NRXN1: variants seen among roughly 807,000 people sequenced by gnomAD.
The protein encoded by NRXN1 is neurexin 1, also known as neurexin-1.
In NRXN1, 39 loss-of-function variants were observed where a neutral mutation model predicts 150.9. The observed-to-expected ratio is 0.26, with a 90% confidence interval of 0.20 to 0.34. The LOEUF is 0.34. Among genes scored for constraint, NRXN1 ranks in the 10% least tolerant of loss-of-function variants. The pLI is 1.00. For synonymous variants in NRXN1, 924 were observed against 757.0 expected, an observed-to-expected ratio of 1.22 and a Z score of -3.62; for missense variants, 1,815 against 1,949.9, an observed-to-expected ratio of 0.93 and a Z score of 1.30.
At position 50,582,625 on chromosome 2, in the gene NRXN1, G is replaced by C. The variant is rs145880148; in HGVS notation, c.1321-29600C>G. 4.6e-5 allele frequency among the ~76,000 whole-genome samples: 7 copies of C among 150,652 alleles called. No homozygotes were observed. In the East Asian group the frequency reaches 1.4e-3, roughly 29 times the overall value. On this transcript the variant is annotated intron_variant, in intron 8 of 22. Transcript: ENST00000401669. Reference sequence around the variant, plus strand: ...AAACTAGCACATAAACATAGGCTACGTAGCATCTCTGTTCTTTATTAACCA... The same window carrying C: ...AAACTAGCACATAAACATAGGCTACCTAGCATCTCTGTTCTTTATTAACCA...
chr2:50,472,499 A>T, intron 15 of NRXN1, 28 bp from the exon 16 acceptor site: 1 of 1,590,552 alleles, frequency 6.3e-7, no homozygotes, highest in Non-Finnish European at 8.6e-7. Context: ...TCTTTGTTAC[A>T]AAAGTACCAT....
chr2:50,205,975 G>T (rs1023564019), intron 18 of NRXN1, among the ~76,000 whole-genome samples: 2 of 151,858 alleles, frequency 1.3e-5, no homozygotes, highest in African/African-American at 4.8e-5. Flanking sequence ...GTCTTTCAGG[G>T]GGTTCCAAAT....
chr2:50,610,902 G>A (rs1455898317), intron 8 of NRXN1, among the ~76,000 whole-genome samples: 9 of 148,878 alleles, frequency 6.0e-5, no homozygotes, highest in Non-Finnish European at 1.0e-4. Context: ...AAGCAAGCAC[G>A]TTTCACTAAT....
chr2:50,755,634 C>G (rs1314200173), intron 5 of NRXN1, among the ~76,000 whole-genome samples: 1 of 151,786 alleles, frequency 6.6e-6, no homozygotes, highest in Admixed American at 6.6e-5. Context: ...ACCAAAAAAT[C>G]AAGCCATTCT....
intron 15 of NRXN1, 29 bp downstream of exon 15, chr2:50,495,876 C>T: frequency 1.3e-6 from 2 of 1,547,316 alleles, no homozygotes; most frequent in Non-Finnish European, 1.7e-6. Flanking sequence ...TGGTGCAAGG[C>T]TCGTTGCTCT....
At chr2:50,758,941 T>C (rs914911167) in intron 5 of NRXN1, among the ~76,000 whole-genome samples, 6 of 151,826 alleles carry the variant, frequency 4.0e-5, no homozygotes, top group African/African-American at 1.5e-4. Flanking sequence ...TTTTATCCCA[T>C]AAAATGACTG....
intron 8 of NRXN1, among the ~76,000 whole-genome samples, chr2:50,585,964 C>T (rs1673033621): frequency 1.3e-5 from 2 of 152,228 alleles, no homozygotes; most frequent in Non-Finnish European, 2.9e-5. Context: ...AAAAAACCTA[C>T]TGAGCAGAGC....
At chr2:50,355,427 A>C (rs2153004793) in intron 17 of NRXN1, among the ~76,000 whole-genome samples, 1 of 152,030 alleles carries the variant, frequency 6.6e-6, no homozygotes, top group Non-Finnish European at 1.5e-5. Flanking sequence ...ATGTTATATT[A>C]AGCCCTTTAA....
intron 18 of NRXN1, among the ~76,000 whole-genome samples, chr2:50,188,868 C>G (rs561630350): frequency 7.9e-5 from 12 of 152,142 alleles, no homozygotes; most frequent in Non-Finnish European, 1.8e-4. Flanking sequence ...CAGCAAACAA[C>G]AGATGCTGGA....
chr2:50,340,073 G>A (rs914446218), intron 17 of NRXN1, among the ~76,000 whole-genome samples: 5 of 152,260 alleles, frequency 3.3e-5, no homozygotes, highest in Non-Finnish European at 4.4e-5. Flanking sequence ...TATTAATTAG[G>A]TGAACCTGAC....
intron 19 of NRXN1, among the ~76,000 whole-genome samples, chr2:50,088,485 T>G (rs1699105896): frequency 6.6e-6 from 1 of 152,206 alleles, no homozygotes. Context: ...CTTGCGTATA[T>G]CCTTCAGAAT....
At chr2:49,938,527 C>T (rs1671432382) in intron 22 of NRXN1, among the ~76,000 whole-genome samples, 2 of 152,108 alleles carry the variant, frequency 1.3e-5, no homozygotes, top group Non-Finnish European at 2.9e-5. Context: ...CTTTTCTTCC[C>T]CCAATGACTA....
At chr2:50,523,880 T>G (rs1167830267) in intron 12 of NRXN1, among the ~76,000 whole-genome samples, 1 of 152,208 alleles carries the variant, frequency 6.6e-6, no homozygotes, top group East Asian at 1.9e-4. Flanking sequence ...TATATGTAAT[T>G]GTGTTGTCTC....
At chr2:49,942,569 T>A (rs1448201695) in intron 22 of NRXN1, among the ~76,000 whole-genome samples, 2 of 151,628 alleles carry the variant, frequency 1.3e-5, no homozygotes, top group Non-Finnish European at 2.9e-5. Context: ...TCCACCTCAC[T>A]CATTTTGTTA....
chr2:50,396,348 G>A (rs2082049803), intron 17 of NRXN1, among the ~76,000 whole-genome samples: 1 of 152,074 alleles, frequency 6.6e-6, no homozygotes, highest in South Asian at 2.1e-4. Context: ...CACATGTAAT[G>A]GTACTTATTT....
At chr2:50,473,168 C>T (rs1435544950) in intron 15 of NRXN1, among the ~76,000 whole-genome samples, 1 of 151,804 alleles carries the variant, frequency 6.6e-6, no homozygotes, top group Non-Finnish European at 1.5e-5. Context: ...GATATTGCAT[C>T]CTTCTTGAGG....
Position 50,621,036 on chromosome 2 carries a change from AG to A in NRXN1, c.1158+189del, listed in dbSNP as rs1416712079. 5.6e-6 allele frequency: 3 copies of A among 534,784 alleles called. No homozygotes were observed. The Admixed American group carries it at 1.1e-4, about 19-fold the overall frequency. The allele number at this position is 534,784 out of a possible 1,614,324, so 33.1% of individuals were successfully genotyped here. ...GGTGAGTTGGAAAACAGAAGTTGAC[AG>A]GAACAGGTAAAAAATAAGAAGGTCA... On this transcript the variant is annotated intron_variant, in intron 7 of 22. Coordinates refer to ENST00000401669, the MANE Select transcript of NRXN1 (RefSeq NM_001330078.2).
chr2:50,769,343 G>T lies in NRXN1; in HGVS notation c.833-145728C>A, dbSNP rs144590556. Among the ~76,000 whole-genome samples the T allele has an allele frequency of 4.6e-5, 7 of 152,180 alleles. No individual in the cohort carries two copies. In the East Asian group the frequency reaches 1.2e-3, roughly 25 times the overall value. ...AGACATTCCCCTAATCTCCAGCAAA[G>T]AAACCTGCTGTCTCTCTAATGCACT... On this transcript the variant is annotated intron_variant, in intron 5 of 22. Transcript: ENST00000401669.
chr2:50,905,872 T>C (rs184931336), intron 5 of NRXN1, among the ~76,000 whole-genome samples: 1 of 152,272 alleles, frequency 6.6e-6, no homozygotes, highest in Non-Finnish European at 1.5e-5. Flanking sequence ...AGTGAATTAA[T>C]TACTTAAATA....
Sources: gnomAD v4.1 joint callset for allele counts (sites outside exome capture counted in the v4.1 genomes callset) on GRCh38, gnomAD v4.1.1 for gene constraint, MANE v1.5 for transcripts, NCBI Gene and HGNC (gene_info 2026-07-23, HGNC 2026-07-21) for gene names.